The following DNAI3 variants were observed in gnomAD, a reference collection of about 807,000 sequenced individuals.
DNAI3 encodes dynein axonemal intermediate chain 3.
In DNAI3, 83 loss-of-function variants were observed where a neutral mutation model predicts 115.5. The ratio of observed to expected loss-of-function variants is 0.72; its 90% CI spans 0.60 to 0.86. The LOEUF (loss-of-function observed/expected upper bound fraction) is 0.86. DNAI3 is among the 40% of genes least tolerant of loss of function. The pLI, the probability that DNAI3 is intolerant of heterozygous loss-of-function variation, is 0.00. For synonymous variants in DNAI3, 320 were observed against 347.0 expected, an observed-to-expected ratio of 0.92 and a Z score of 0.86; for missense variants, 1,004 against 1,075.8, an observed-to-expected ratio of 0.93 and a Z score of 0.93.
intron 16 of DNAI3, among the ~76,000 whole-genome samples, chr1:85,116,951 A>G (rs908078175): frequency 5.9e-5 from 9 of 152,158 alleles, no homozygotes; most frequent in African/African-American, 1.7e-4. Flanking sequence ...TTTAAATGTA[A>G]TATGTCTTTT....
At chr1:85,122,423 C>A (rs183991823) in intron 18 of DNAI3, among the ~76,000 whole-genome samples, 4 of 152,300 alleles carry the variant, frequency 2.6e-5, no homozygotes, top group African/African-American at 9.6e-5. Context: ...AATACAGGCA[C>A]CCCAATAAGC....
At chr1:85,087,434 C>CAAAAAAAAAA (rs1162431713) in intron 7 of DNAI3, among the ~76,000 whole-genome samples, 5 of 46,636 alleles carry the variant, frequency 1.1e-4, no homozygotes, top group African/African-American at 1.7e-4. Flanking sequence ...GACTCCATCT[C>CAAAAAAAAAA]AAAAAAAAAA....
chr1:85,085,809 T>C (rs1399553955), intron 6 of DNAI3, 22 bp from the exon 7 acceptor site: 1 of 1,608,542 alleles, frequency 6.2e-7, no homozygotes, highest in Non-Finnish European at 8.5e-7. Flanking sequence ...TATGTTACCT[T>C]TACTGTTTAC....
chr1:85,087,255 G>A (rs1654824422), intron 7 of DNAI3, among the ~76,000 whole-genome samples: 1 of 151,726 alleles, frequency 6.6e-6, no homozygotes, highest in African/African-American at 2.4e-5. Context: ...GGCCAACACG[G>A]TGAAACCCCG....
chr1:85,113,761 T>A (rs1232620192), intron 16 of DNAI3, among the ~76,000 whole-genome samples: 1 of 152,164 alleles, frequency 6.6e-6, no homozygotes. Flanking sequence ...TTGTATTGAA[T>A]CTGTAGGTCA....
At chr1:85,099,731 G>C (rs1655234690) in intron 13 of DNAI3, among the ~76,000 whole-genome samples, 1 of 152,284 alleles carries the variant, frequency 6.6e-6, no homozygotes, top group Middle Eastern at 3.4e-3. Context: ...ATACTACAAG[G>C]CTATAGTAAC....
At chr1:85,123,849 C>T (rs1004825571) in intron 18 of DNAI3, among the ~76,000 whole-genome samples, 1 of 152,164 alleles carries the variant, frequency 6.6e-6, no homozygotes, top group African/African-American at 2.4e-5. Flanking sequence ...TATTTATTGA[C>T]TAATTGAGTG....
At position 85,074,234 on chromosome 1, in the gene DNAI3, T is replaced by G. The variant is rs1361404897; in HGVS notation, c.103+1142T>G. 2.0e-5 allele frequency among the ~76,000 whole-genome samples: 3 copies of G among 152,208 alleles called. No individual in the cohort carries two copies. The East Asian group carries it at 5.8e-4, about 29-fold the overall frequency. On this transcript the variant is annotated intron_variant, in intron 3 of 22. Transcript: ENST00000294664. ...TCGGTTAGTTCCCAAGGCTCCTATT[T>G]GATATCACTGCTTCCACTCAGCCTC...
chr1:85,110,083 C>T lies in DNAI3; in HGVS notation c.1734C>T (p.His578=), dbSNP rs754303337. Residue 578 remains histidine (H), a synonymous_variant, in exon 16 of 23, where the codon CAC becomes CAT. Transcript: ENST00000294664. ...RLSKGETSLD[H]CPTKISLNED... ...CCAAGGGTGAAACAAGTTTAGACCA[C>T]TGTCCAACCAAGATAAGCCTGAATG... 1.2e-6 allele frequency: 2 copies of T among 1,613,362 alleles called. No homozygotes were observed. The highest frequency in any genetic ancestry group is 1.7e-6 in the Non-Finnish European group (2 of 1,179,692).
intron 18 of DNAI3, among the ~76,000 whole-genome samples, 165 bp downstream of exon 18, chr1:85,121,979 C>T (rs1656005764): frequency 6.6e-6 from 1 of 152,202 alleles, no homozygotes; most frequent in South Asian, 2.1e-4. Context: ...GCATAGTCAT[C>T]ACCTGGGAAC....
At chr1:85,079,511 C>T (rs532315877) in intron 3 of DNAI3, among the ~76,000 whole-genome samples, 1 of 152,242 alleles carries the variant, frequency 6.6e-6, no homozygotes, top group South Asian at 2.1e-4. Context: ...CTTGCTGGCA[C>T]ATCTATTGAG....
At chr1:85,103,751 G>T (rs561803265) in intron 13 of DNAI3, among the ~76,000 whole-genome samples, 48 of 151,928 alleles carry the variant, frequency 3.2e-4, no homozygotes, top group African/African-American at 1.1e-3. Flanking sequence ...GCTGGGCATG[G>T]TGGCACATGC....
At chr1:85,086,807 C>T (rs918847157) in intron 7 of DNAI3, among the ~76,000 whole-genome samples, 1 of 152,030 alleles carries the variant, frequency 6.6e-6, no homozygotes, top group African/African-American at 2.4e-5. Context: ...TTCTCTCCTG[C>T]ATTCAGTTCT....
Position 85,097,603 on chromosome 1 carries a change from G to A in DNAI3, c.1298G>A (p.Arg433His), listed in dbSNP as rs141983401. The change falls in exon 12 of 23, where the codon CGC becomes CAC. Residue 433 changes from arginine (R) to histidine (H), a missense_variant. By Grantham distance (29) the Arg-to-His change is conservative. This residue lies in a region of DNAI3 where 550 missense variants were observed against 568.1 expected (regional missense o/e 0.97). Transcript: ENST00000294664. ...VMWDITAHAD[R>H]IENIKAGGSR... ...TGGGATATCACCGCACATGCAGATC[G>A]CATAGAAAACATTAAGGCAGGTGGT... 1.2e-5 allele frequency: 19 copies of A among 1,612,834 alleles called. No individual in the cohort carries two copies. Among genetic ancestry groups the A allele is most frequent in the African/African-American group, 2.7e-5 (2 of 74,830 alleles).
intron 22 of DNAI3, among the ~76,000 whole-genome samples, chr1:85,131,456 A>T (rs2100622067): frequency 6.8e-6 from 1 of 148,054 alleles, no homozygotes; most frequent in African/African-American, 2.5e-5. Context: ...AAAAAAAAAA[A>T]AAAAAAATAA....
At chr1:85,095,135 C>T (rs1008337408) in intron 10 of DNAI3, among the ~76,000 whole-genome samples, 1 of 152,104 alleles carries the variant, frequency 6.6e-6, no homozygotes, top group Non-Finnish European at 1.5e-5. Context: ...AAACACATAG[C>T]AATTCAAATA....
chr1:85,062,513 C>A (rs1405044751), intron 1 of DNAI3, 27 bp downstream of exon 1: 3 of 152,168 alleles, frequency 2.0e-5, no homozygotes, highest in South Asian at 2.1e-4. Flanking sequence ...ATGGGAAAGG[C>A]GGCTTGGAAA....
chr1:85,115,282 A>G (rs1369894357), intron 16 of DNAI3, among the ~76,000 whole-genome samples: 1 of 152,262 alleles, frequency 6.6e-6, no homozygotes, highest in Non-Finnish European at 1.5e-5. Context: ...AGAATAGCAC[A>G]TAGTCAACAC....
At chr1:85,105,357 T>A (rs532692814) in intron 14 of DNAI3, among the ~76,000 whole-genome samples, 3 of 152,104 alleles carry the variant, frequency 2.0e-5, no homozygotes, top group Non-Finnish European at 4.4e-5. Flanking sequence ...GAAATAAGCT[T>A]ATTGGAAATA....
Sources: allele counts gnomAD v4.1 joint callset (sites outside exome capture counted in the v4.1 genomes callset), GRCh38; gene constraint gnomAD v4.1.1; regional missense constraint gnomAD v4.1.1; transcripts MANE v1.5; gene names NCBI Gene and HGNC (gene_info 2026-07-23, HGNC 2026-07-21).